SPDYA: variants seen among roughly 807,000 people sequenced by gnomAD.
The protein encoded by SPDYA is speedy/RINGO cell cycle regulator family member A, also known as speedy protein A.
SPDYA carries 11 observed loss-of-function variants against 36.7 expected under a neutral mutation model. That is an observed-to-expected ratio of 0.30 (90% CI 0.19 to 0.50). SPDYA has a LOEUF of 0.50. Among genes scored for constraint, SPDYA ranks in the 20% least tolerant of loss-of-function variants. The pLI is 0.98. For synonymous variants in SPDYA, 115 were observed against 118.7 expected, an observed-to-expected ratio of 0.97 and a Z score of 0.20; for missense variants, 287 against 370.9, an observed-to-expected ratio of 0.77 and a Z score of 1.86.
chr2:28,845,389 C>T (rs986833528), intron 7 of SPDYA, among the ~76,000 whole-genome samples: 1 of 151,842 alleles, frequency 6.6e-6, no homozygotes, highest in East Asian at 1.9e-4. Context: ...AATCACTGCA[C>T]CTGGCCCAAA....
chr2:28,823,295 A>G (rs1668216243), intron 5 of SPDYA, among the ~76,000 whole-genome samples: 1 of 152,138 alleles, frequency 6.6e-6, no homozygotes, highest in African/African-American at 2.4e-5. Flanking sequence ...TCCAATCTAT[A>G]GGTCAGAATA....
At chr2:28,843,436 G>A (rs1202600639) in intron 7 of SPDYA, among the ~76,000 whole-genome samples, 1 of 151,858 alleles carries the variant, frequency 6.6e-6, no homozygotes, top group Non-Finnish European at 1.5e-5. Flanking sequence ...TGTAATCCCA[G>A]CTACTCAGGA....
intron 5 of SPDYA, among the ~76,000 whole-genome samples, chr2:28,823,970 C>T (rs949570047): frequency 2.0e-5 from 3 of 150,618 alleles, no homozygotes; most frequent in South Asian, 2.1e-4. Flanking sequence ...TGGTCTCGAA[C>T]TCCTGACCTC....
intron 4 of SPDYA, among the ~76,000 whole-genome samples, chr2:28,821,197 CTTTTT>C (rs11464702): frequency 8.5e-4 from 84 of 98,842 alleles, no homozygotes; most frequent in Non-Finnish European, 1.5e-3. Context: ...TTTTCTTTTT[CTTTTT>C]TTTTTTTTTT....
chr2:28,829,528 C>T lies in SPDYA; in HGVS notation c.552+209C>T, dbSNP rs186232273. On this transcript the variant is annotated intron_variant, in intron 6 of 7. Coordinates refer to ENST00000334056, the MANE Select transcript of SPDYA (RefSeq NM_182756.4). ...ATCACCATAACTAAAAACTGTCAAC[C>T]GGGCAAGCCCTGCTCACGCCTGTAA... is the stretch of plus-strand genomic sequence containing the variant. Among the ~76,000 whole-genome samples the T allele has an allele frequency of 2.0e-4, 31 of 152,000 alleles. No homozygotes were observed. In the East Asian group the frequency reaches 4.2e-3, roughly 21 times the overall value.
chr2:28,829,376 T>C, intron 6 of SPDYA, 57 bp downstream of exon 6: 6 of 1,529,300 alleles, frequency 3.9e-6, no homozygotes, highest in Non-Finnish European at 5.3e-6. Context: ...TATCTTATTA[T>C]CCTTGTTTTT....
rs1669026418 is a variant in SPDYA, at chr2:28,850,397, G to A, written c.*456G>A. The A allele has an allele frequency of 6.2e-7, 1 of 1,603,614 alleles. No individual in the cohort carries two copies. The highest frequency in any genetic ancestry group is 8.5e-7 in the Non-Finnish European group (1 of 1,174,530). The stretch of plus-strand genomic sequence containing the variant: ...AATGATCCATATGGAAAATCAGAAT[G>A]CGATTCTTCTGTTGTAAAAAAATAT... On this transcript the variant is annotated 3_prime_UTR_variant, in exon 8 of 8. Transcript: ENST00000334056.
At chr2:28,838,526 GTTTTAT>G (rs1307421178) in intron 6 of SPDYA, among the ~76,000 whole-genome samples, 10 of 152,066 alleles carry the variant, frequency 6.6e-5, no homozygotes. Context: ...GACCCTGGTA[GTTTTAT>G]TTTTAATTCA....
intron 1 of SPDYA, among the ~76,000 whole-genome samples, chr2:28,813,862 G>T (rs767845481): frequency 1.2e-4 from 18 of 151,996 alleles, no homozygotes; most frequent in Non-Finnish European, 2.2e-4. Context: ...CTTCTATCTA[G>T]ATTTAAGGCT....
At chr2:28,824,037 G>A (rs148805753) in intron 5 of SPDYA, among the ~76,000 whole-genome samples, 128 of 151,296 alleles carry the variant, frequency 8.5e-4, no homozygotes, top group African/African-American at 3.0e-3. Context: ...GTGAGCCACC[G>A]CGCCCAGCCA....
chr2:28,843,047 T>C (rs1287237361), intron 7 of SPDYA, among the ~76,000 whole-genome samples: 1 of 152,206 alleles, frequency 6.6e-6, no homozygotes, highest in African/African-American at 2.4e-5. Flanking sequence ...AAACTTAGCA[T>C]AGATGGTGAT....
chr2:28,825,352 G>C (rs1225527788), intron 5 of SPDYA, among the ~76,000 whole-genome samples: 2 of 151,978 alleles, frequency 1.3e-5, no homozygotes, highest in East Asian at 1.9e-4. Context: ...ATTACCAGTA[G>C]AGCACTATTG....
At chr2:28,818,440 T>TAAA (rs372056967) in intron 3 of SPDYA, among the ~76,000 whole-genome samples, 2 of 109,994 alleles carry the variant, frequency 1.8e-5, no homozygotes, top group Non-Finnish European at 3.8e-5. Context: ...CCTGTCTCTT[T>TAAA]AAAAAAAAAA....
intron 6 of SPDYA, among the ~76,000 whole-genome samples, chr2:28,835,343 G>A (rs746067018): frequency 1.5e-4 from 22 of 151,672 alleles, no homozygotes; most frequent in Non-Finnish European, 3.2e-4. Flanking sequence ...CTCCTGCCTC[G>A]GCTTCCCAAG....
chr2:28,827,064 G>A (rs1269171959), intron 5 of SPDYA, among the ~76,000 whole-genome samples: 1 of 146,714 alleles, frequency 6.8e-6, no homozygotes, highest in Non-Finnish European at 1.5e-5. Context: ...TCAGCCTCCC[G>A]AGTAGCTGGG....
chr2:28,825,212 A>G (rs1350039491), intron 5 of SPDYA, among the ~76,000 whole-genome samples: 1 of 152,084 alleles, frequency 6.6e-6, no homozygotes, highest in Non-Finnish European at 1.5e-5. Flanking sequence ...ATTGTATTGT[A>G]TCTATGTTGA....
chr2:28,817,394 T>G (rs1009852307), intron 3 of SPDYA, among the ~76,000 whole-genome samples: 12 of 151,262 alleles, frequency 7.9e-5, no homozygotes, highest in Non-Finnish European at 1.8e-4. Context: ...AAACCCTGTC[T>G]CTACTAAAAA....
Position 28,816,120 on chromosome 2 carries a change from C to T in SPDYA, c.106C>T (p.Arg36Cys). 6.2e-7 allele frequency: 1 copy of T among 1,613,716 alleles called. No homozygotes were observed. Among genetic ancestry groups the T allele is most frequent in the Non-Finnish European group, 8.5e-7 (1 of 1,179,850 alleles). Residue 36 changes from arginine to cysteine, a missense_variant, in exon 3 of 8, where the codon CGT becomes TGT. Coordinates refer to ENST00000334056, the MANE Select transcript of SPDYA (RefSeq NM_182756.4). ...GCCTAAAAAGCCCATTACTCTGAAG[C>T]GTCCTATTTGTAAAGATAATTGGCA... ...HQPKKPITLK[R>C]PICKDNWQAF...
chr2:28,823,902 C>A (rs1449846875), intron 5 of SPDYA, among the ~76,000 whole-genome samples: 1 of 148,624 alleles, frequency 6.7e-6, no homozygotes, highest in Admixed American at 6.7e-5. Context: ...CCCACCACCA[C>A]GCCCAACTAA....
Sources: gnomAD v4.1 joint callset for allele counts (sites outside exome capture counted in the v4.1 genomes callset) on GRCh38, gnomAD v4.1.1 for gene constraint, MANE v1.5 for transcripts, NCBI Gene and HGNC (gene_info 2026-07-23, HGNC 2026-07-21) for gene names.